The following ZNRF1 variants were observed in gnomAD, a reference collection of about 807,000 sequenced individuals.
The protein encoded by ZNRF1 is E3 ubiquitin-protein ligase ZNRF1.
In ZNRF1, 3 loss-of-function variants were observed where a neutral mutation model predicts 18.4. The ratio of observed to expected loss-of-function variants is 0.16; its 90% CI spans 0.07 to 0.42. The LOEUF is 0.42. ZNRF1 is among the 10% of genes least tolerant of loss of function. The pLI is 0.99. For synonymous variants in ZNRF1, 157 were observed against 144.2 expected (o/e 1.09, Z -0.64); for missense variants, 310 against 329.8 (o/e 0.94, Z 0.47).
chr16:75,054,550 T>TG (rs1184716042), intron 1 of ZNRF1, among the ~76,000 whole-genome samples: 4 of 152,226 alleles, frequency 2.6e-5, no homozygotes, highest in Non-Finnish European at 4.4e-5. Context: ...GGTCACTATG[T>TG]GGGCTTCTCA....
At chr16:75,027,860 C>T (rs904658416) in intron 1 of ZNRF1, among the ~76,000 whole-genome samples, 1 of 152,152 alleles carries the variant, frequency 6.6e-6, no homozygotes, top group African/African-American at 2.4e-5. Flanking sequence ...GCTGTATTTC[C>T]ACAGTTCCTT....
At chr16:75,032,421 T>C (rs1055616957) in intron 1 of ZNRF1, among the ~76,000 whole-genome samples, 1 of 152,154 alleles carries the variant, frequency 6.6e-6, no homozygotes, top group Non-Finnish European at 1.5e-5. Flanking sequence ...TTCTTGTTTT[T>C]ATTGGGTCTT....
chr16:75,095,765 C>T, intron 2 of ZNRF1: 4 of 1,503,640 alleles, frequency 2.7e-6, no homozygotes, highest in African/African-American at 1.4e-5. Flanking sequence ...GGCTGTCCAG[C>T]TCCTCTGCCA....
intron 1 of ZNRF1, among the ~76,000 whole-genome samples, chr16:75,064,818 T>C (rs1450423034): frequency 6.6e-6 from 1 of 152,204 alleles, no homozygotes; most frequent in African/African-American, 2.4e-5. Flanking sequence ...GCACCCTGTG[T>C]GTCTTGTATC....
intron 1 of ZNRF1, among the ~76,000 whole-genome samples, chr16:75,029,261 C>T (rs2035268178): frequency 6.6e-6 from 1 of 152,152 alleles, no homozygotes; most frequent in African/African-American, 2.4e-5. Context: ...ATTCTCCTGC[C>T]TCAGCCACCC....
chr16:75,064,463 G>T (rs976490692), intron 1 of ZNRF1, among the ~76,000 whole-genome samples: 2 of 151,946 alleles, frequency 1.3e-5, no homozygotes, highest in African/African-American at 2.4e-5. Flanking sequence ...GGCTGAGGCA[G>T]GAGAATTGTT....
intron 1 of ZNRF1, among the ~76,000 whole-genome samples, chr16:75,042,332 T>A (rs1036342250): frequency 6.6e-6 from 1 of 152,138 alleles, no homozygotes; most frequent in African/African-American, 2.4e-5. Context: ...GTTACAAAAA[T>A]TTCTCCTATT....
Position 75,078,835 on chromosome 16 carries a change from T to C in ZNRF1, c.425-14737T>C, listed in dbSNP as rs187204455. 7.4e-4 allele frequency among the ~76,000 whole-genome samples: 112 copies of C among 152,344 alleles called. 1 individual carries two copies. Among genetic ancestry groups the C allele is most frequent in the African/African-American group, 2.5e-3 (104 of 41,578 alleles). On this transcript the variant is annotated intron_variant, in intron 1 of 4. Transcript: ENST00000335325. ...CTTAACATTTCTGTCCACTGACATA[T>C]ACTTGGTTTTAATGTTATGTCATAT... is the stretch of plus-strand genomic sequence containing the variant.
intron 1 of ZNRF1, among the ~76,000 whole-genome samples, chr16:75,064,449 A>G (rs1018033936): frequency 1.3e-5 from 2 of 150,688 alleles, no homozygotes; most frequent in Admixed American, 1.3e-4. Context: ...CCAGCTACTC[A>G]GGAGGCTGAG....
chr16:75,106,069 C>T (rs2036312780), intron 3 of ZNRF1: 2 of 179,532 alleles, frequency 1.1e-5, no homozygotes, highest in South Asian at 2.4e-4. Context: ...AGCCGTGGCC[C>T]TCCTGCCATG....
intron 1 of ZNRF1, among the ~76,000 whole-genome samples, chr16:75,003,432 C>G (rs932125776): frequency 2.0e-5 from 3 of 152,170 alleles, no homozygotes; most frequent in African/African-American, 7.2e-5. Context: ...AATTTGAGTA[C>G]TTTATGTTCA....
intron 1 of ZNRF1, among the ~76,000 whole-genome samples, chr16:75,031,711 A>G (rs1327390833): frequency 6.6e-6 from 1 of 152,034 alleles, no homozygotes; most frequent in Non-Finnish European, 1.5e-5. Flanking sequence ...CATGTTGCCC[A>G]GGCTGTTCTC....
At chr16:75,030,062 CA>C (rs34968109) in intron 1 of ZNRF1, among the ~76,000 whole-genome samples, 55,445 of 97,822 alleles carry the variant, frequency 0.57, 12,779 homozygotes, top group East Asian at 0.76. Flanking sequence ...GATGCTATCT[CA>C]AAAAAAAAAA....
intron 1 of ZNRF1, among the ~76,000 whole-genome samples, chr16:75,047,197 G>C (rs2035526980): frequency 6.6e-6 from 1 of 152,144 alleles, no homozygotes; most frequent in South Asian, 2.1e-4. Context: ...TTAAGAGATG[G>C]GGTCCCACCC....
chr16:75,106,932 C>G (rs2036323249), intron 4 of ZNRF1: 1 of 234,774 alleles, frequency 4.3e-6, no homozygotes, highest in African/African-American at 2.2e-5. Flanking sequence ...CTCATCCTCG[C>G]TCACCTCTGA....
intron 1 of ZNRF1, among the ~76,000 whole-genome samples, chr16:75,028,923 C>G (rs1322887177): frequency 6.6e-6 from 1 of 152,126 alleles, no homozygotes; most frequent in Non-Finnish European, 1.5e-5. Context: ...TTGCAGATTC[C>G]TCTTTATCTC....
At chr16:75,091,737 A>G (rs112027029) in intron 1 of ZNRF1, among the ~76,000 whole-genome samples, 3,135 of 151,722 alleles carry the variant, frequency 0.021, 95 homozygotes, top group African/African-American at 0.064. Context: ...GGCTTTTGCC[A>G]TGTTGCCTAG....
chr16:75,084,629 G>C (rs2036053331), intron 1 of ZNRF1: 1 of 152,216 alleles, frequency 6.6e-6, no homozygotes, highest in Admixed American at 6.5e-5. Flanking sequence ...CTGTCAGAAT[G>C]AAAGAAAGGT....
At chr16:75,038,339 C>G (rs2035400159) in intron 1 of ZNRF1, among the ~76,000 whole-genome samples, 1 of 152,284 alleles carries the variant, frequency 6.6e-6, no homozygotes, top group South Asian at 2.1e-4. Flanking sequence ...AAAGCCTTCT[C>G]TCTCTCGCTG....
Sources: gnomAD v4.1 joint callset for allele counts (sites outside exome capture counted in the v4.1 genomes callset) on GRCh38, gnomAD v4.1.1 for gene constraint, MANE v1.5 for transcripts, NCBI Gene and HGNC (gene_info 2026-07-23, HGNC 2026-07-21) for gene names.